Variants in ABCA3 observed in about 807,000 individuals in gnomAD.
ABCA3 encodes phospholipid-transporting ATPase ABCA3.
Under a neutral mutation model 172.8 loss-of-function variants are expected in ABCA3, and 88 were observed. The observed-to-expected ratio is 0.51, with a 90% CI of 0.43 to 0.61. ABCA3 has a LOEUF of 0.61. Ranked by LOEUF, ABCA3 falls within the 20% of genes least tolerant of loss-of-function variation. The pLI is 0.00. For missense variants in ABCA3, 2,164 were observed against 2,301.0 expected (o/e 0.94, Z 1.22); for synonymous variants, 1,066 against 983.8 (o/e 1.08, Z -1.56).
At position 2,326,743 on chromosome 16, in the gene ABCA3, T is replaced by C. The variant is rs45601336; in HGVS notation, c.-26-251A>G. The stretch of plus-strand genomic sequence containing the variant: ...TGGCTCATGCCTGTAATCTCAACAC[T>C]TTGGGAGGCCGAGGCAGGTGGATCA... On this transcript the variant is annotated intron_variant, in intron 3 of 32. Transcript: ENST00000301732. 7.3e-3 allele frequency among the ~76,000 whole-genome samples: 1,114 copies of C among 152,160 alleles called. 15 individuals are homozygous for C. The highest frequency in any genetic ancestry group is 0.025 in the African/African-American group (1,052 of 41,522).
Position 2,295,595 on chromosome 16 carries a change from C to T in ABCA3, c.2409G>A (p.Thr803=), listed in dbSNP as rs777406810. The T allele has an allele frequency of 6.2e-6, 10 of 1,613,192 alleles. No homozygotes were observed. Among genetic ancestry groups the T allele is most frequent in the South Asian group, 3.3e-5 (3 of 91,090 alleles). ...ELSFILPRES[T]HRFEGLFAKL... Reference sequence around the variant, plus strand: ...GCCCTCCCTGGGAGGCGTACCTGTGCGTGCTCTCTCTGGGAAGGATGAAAG... The same window carrying T: ...GCCCTCCCTGGGAGGCGTACCTGTGTGTGCTCTCTCTGGGAAGGATGAAAG... Residue 803 remains threonine, a synonymous_variant, in exon 18 of 33, where the codon ACG becomes ACA. Transcript: ENST00000301732.
At chr16:2,311,473 T>G (rs1175486222) in intron 10 of ABCA3, among the ~76,000 whole-genome samples, 1 of 152,162 alleles carries the variant, frequency 6.6e-6, no homozygotes, top group African/African-American at 2.4e-5. Context: ...ACCAACGAAC[T>G]TTTTGCGCTC....
chr16:2,323,220 G>C, intron 7 of ABCA3: 1 of 483,468 alleles, frequency 2.1e-6, no homozygotes, highest in Non-Finnish European at 3.8e-6. Flanking sequence ...CTGTAAACTA[G>C]TTCAACCATT....
chr16:2,296,167 A>C (rs998479125), intron 17 of ABCA3, among the ~76,000 whole-genome samples: 1 of 152,056 alleles, frequency 6.6e-6, no homozygotes, highest in Admixed American at 6.5e-5. Flanking sequence ...ACCGCACTGC[A>C]CGGCACTATC....
At chr16:2,337,118 T>C (rs2093753124) in intron 1 of ABCA3, among the ~76,000 whole-genome samples, 1 of 151,692 alleles carries the variant, frequency 6.6e-6, no homozygotes, top group African/African-American at 2.4e-5. Flanking sequence ...TCTCACTATG[T>C]TGCCCAGACT....
Position 2,277,828 on chromosome 16 carries a change from A to C in ABCA3, c.4909+51T>G, listed in dbSNP as rs760502574. Reference sequence around the variant, plus strand: ...TCCGCACAGCAGATGGGAGAGGCCTAGGTAGGGGCCCAGGGCCCACCCAGT... The same window carrying C: ...TCCGCACAGCAGATGGGAGAGGCCTCGGTAGGGGCCCAGGGCCCACCCAGT... On this transcript the variant is annotated intron_variant, in intron 31 of 32. Transcript: ENST00000301732. The surrounding 1 kb of genome is among the most constrained non-coding windows in gnomAD (Gnocchi z 5.3). 1 of 1,604,686 alleles carries C rather than the reference A, an allele frequency of 6.2e-7. No individual in the cohort carries two copies.
Position 2,276,636 on chromosome 16 carries a change from G to A in ABCA3, c.*38C>T, listed in dbSNP as rs370767212. The A allele has an allele frequency of 1.4e-5, 22 of 1,608,900 alleles. No individual in the cohort carries two copies. The highest frequency in any genetic ancestry group is 2.7e-5 in the African/African-American group (2 of 74,894). The stretch of plus-strand genomic sequence containing the variant: ...GATGTAAGATGGGCCCTGCTTGCCC[G>A]TCCTGTCCCTGCCTGATGGCGAGAC... On this transcript the variant is annotated 3_prime_UTR_variant, in exon 33 of 33. Coordinates refer to ENST00000301732, the MANE Select transcript of ABCA3 (RefSeq NM_001089.3).
rs528346746 is a variant in ABCA3 at position 2,291,828 on chromosome 16, CT to C, written c.2513+311del. On this transcript the variant is annotated intron_variant, in intron 19 of 32. Transcript: ENST00000301732. ...GTGCCTCACGCCTGTAATACCAGCA[CT>C]TTGGGAGGCCAAGGTGGGCGGATCA... is the stretch of plus-strand genomic sequence containing the variant. 5.1e-3 allele frequency among the ~76,000 whole-genome samples: 772 copies of C among 152,290 alleles called. 3 individuals are homozygous for C. Among genetic ancestry groups the C allele is most frequent in the Non-Finnish European group, 8.3e-3 (565 of 68,022 alleles).
Position 2,284,402 on chromosome 16 carries a change from G to A in ABCA3, c.3739C>T (p.His1247Tyr). 2 of 1,613,992 alleles carry A rather than the reference G, an allele frequency of 1.2e-6. No individual in the cohort carries two copies. The highest frequency in any genetic ancestry group is 1.7e-6 in the Non-Finnish European group (2 of 1,180,020). ...TGGTTGGGCAGCACCAGGAACACGT[G>A]ATCCAGGGTTTTGGAAAGTTCTTCC... ...KLEELSKTLD[H>Y]VFLVLPNHCL... Residue 1247 changes from histidine to tyrosine, a missense_variant, in exon 25 of 33, where the codon CAC becomes TAC. By Grantham distance (83) the His-to-Tyr change is moderately conservative. This residue lies in a region of ABCA3 where 795 missense variants were observed against 881.9 expected (regional missense o/e 0.90). Transcript: ENST00000301732. The surrounding 1 kb of genome is among the most constrained non-coding windows in gnomAD (Gnocchi z 5.9).
rs377305194 is a variant in ABCA3, at chr16:2,277,784, C to T, written c.4909+95G>A. 1.6e-4 allele frequency: 247 copies of T among 1,588,584 alleles called. No individual in the cohort carries two copies. The highest frequency in any genetic ancestry group is 2.6e-4 in the Admixed American group (15 of 56,764). ...CAGGGATTGGGGAGATGGGACTTGG[C>T]GGGGCGAGGCACAGACGCTCCGCAC... is the stretch of plus-strand genomic sequence containing the variant. On this transcript the variant is annotated intron_variant, in intron 31 of 32. Transcript: ENST00000301732. The surrounding 1 kb of genome is among the most constrained non-coding windows in gnomAD (Gnocchi z 5.3).
In ABCA3 at chr16:2,285,143, GC is replaced by G; in HGVS notation, c.3484-146del. 4.0e-6 allele frequency: 4 copies of G among 988,754 alleles called. No homozygotes were observed. Among genetic ancestry groups the G allele is most frequent in the Non-Finnish European group, 6.1e-6 (4 of 651,678 alleles). 61.2% of individuals were successfully genotyped at this position (988,754 alleles called of 1,614,324 possible). A position where few individuals can be genotyped will look rare whatever the true frequency, so the allele number is the denominator to read the frequency against. On this transcript the variant is annotated intron_variant, in intron 23 of 32. Coordinates refer to ENST00000301732, the MANE Select transcript of ABCA3 (RefSeq NM_001089.3). The surrounding 1 kb of genome is among the most constrained non-coding windows in gnomAD (Gnocchi z 4.7). ...CCATCAGCCCCACAGGCCACGTCTGGCCCCCGCGGTGGCTTTCAGCCCCAGG... is the reference window on the plus strand; with the variant it reads ...CCATCAGCCCCACAGGCCACGTCTGGCCCCGCGGTGGCTTTCAGCCCCAGG...
At chr16:2,318,872 C>CT (rs2093720933) in intron 8 of ABCA3, among the ~76,000 whole-genome samples, 2 of 152,116 alleles carry the variant, frequency 1.3e-5, no homozygotes, top group South Asian at 4.1e-4. Flanking sequence ...GCACAATGGT[C>CT]TCTCACATTC....
rs1002077688 is a variant in ABCA3 at position 2,310,130 on chromosome 16, G to A, written c.1112-1507C>T. On this transcript the variant is annotated intron_variant, in intron 10 of 32. Coordinates refer to ENST00000301732, the MANE Select transcript of ABCA3 (RefSeq NM_001089.3). ...CATTTATGAAAAAAACCCCGGCTGG[G>A]TGTGGTGGCTCATGCCTGTAATCCC... Among the ~76,000 whole-genome samples, 13 of 152,244 alleles carry A rather than the reference G, an allele frequency of 8.5e-5. 1 individual carries two copies. The South Asian group carries it at 2.7e-3, about 32-fold the overall frequency.
chr16:2,325,858 T>C (rs2093733332), intron 5 of ABCA3, 152 bp downstream of exon 5: 2 of 1,053,362 alleles, frequency 1.9e-6, no homozygotes, highest in South Asian at 2.7e-5. Context: ...CTTTTACAGG[T>C]TGAAGTAGTG....
At chr16:2,318,451 C>T (rs1365456735) in intron 8 of ABCA3, among the ~76,000 whole-genome samples, 1 of 152,142 alleles carries the variant, frequency 6.6e-6, no homozygotes, top group African/African-American at 2.4e-5. Context: ...GCCGTTTCAA[C>T]TGAAGTTAAT....
rs557911561 is a variant in ABCA3, at chr16:2,279,549, T to C, written c.4360-419A>G. Among the ~76,000 whole-genome samples, 117 of 152,334 alleles carry C rather than the reference T, an allele frequency of 7.7e-4. No individual in the cohort carries two copies. The highest frequency in any genetic ancestry group is 2.6e-3 in the African/African-American group (107 of 41,576). On this transcript the variant is annotated intron_variant, in intron 28 of 32. Transcript: ENST00000301732. The surrounding 1 kb of genome is among the most constrained non-coding windows in gnomAD (Gnocchi z 4.4). ...TGGGCACCACGTTTGGGGTGAGTAC[T>C]GCTTGGTCAGATGGTGCAGCAGCTG...
Position 2,283,392 on chromosome 16 carries a change from C to G in ABCA3, c.3863-34G>C. ...CGAGGGAGTCACTGTGCCCCGAGGC[C>G]TGGGGCACCCTCCTCCCCTTCCAGG... is the stretch of plus-strand genomic sequence containing the variant. On this transcript the variant is annotated intron_variant, in intron 25 of 32. Transcript: ENST00000301732. The surrounding 1 kb of genome is among the most constrained non-coding windows in gnomAD (Gnocchi z 5.4). 6.2e-7 allele frequency: 1 copy of G among 1,604,638 alleles called. No individual in the cohort carries two copies. Among genetic ancestry groups the G allele is most frequent in the Non-Finnish European group, 8.5e-7 (1 of 1,174,732 alleles).
intron 10 of ABCA3, among the ~76,000 whole-genome samples, chr16:2,312,410 T>C (rs969532219): frequency 1.3e-5 from 2 of 152,170 alleles, no homozygotes; most frequent in Non-Finnish European, 2.9e-5. Flanking sequence ...AAGTACTTTA[T>C]GTGTACATCC....
intron 10 of ABCA3, among the ~76,000 whole-genome samples, 197 bp downstream of exon 10, chr16:2,317,086 A>G (rs536272856): frequency 6.6e-6 from 1 of 152,180 alleles, no homozygotes; most frequent in South Asian, 2.1e-4. Flanking sequence ...CCAGCCACAC[A>G]CCTGCCTTCT....
Sources: allele counts gnomAD v4.1 joint callset (sites outside exome capture counted in the v4.1 genomes callset), GRCh38; gene constraint gnomAD v4.1.1; regional missense constraint gnomAD v4.1.1; non-coding constraint Gnocchi (gnomAD v3.1); transcripts MANE v1.5; gene names NCBI Gene and HGNC (gene_info 2026-07-23, HGNC 2026-07-21).